CCDC85A: variants seen among roughly 807,000 people sequenced by gnomAD.
CCDC85A encodes coiled-coil domain-containing protein 85A.
A neutral mutation model predicts 50.2 loss-of-function variants in CCDC85A; 38 were observed. The observed-to-expected ratio is 0.76, with a 90% confidence interval of 0.58 to 0.99. CCDC85A has a LOEUF of 0.99. Among genes scored for constraint, CCDC85A ranks in the 50% least tolerant of loss-of-function variants. CCDC85A has a pLI of 0.00. For missense variants in CCDC85A, 820 were observed against 742.0 expected, an observed-to-expected ratio of 1.11 and a Z score of -1.22; for synonymous variants, 366 against 301.4, an observed-to-expected ratio of 1.21 and a Z score of -2.22.
chr2:56,339,882 A>G (rs1236065294), intron 2 of CCDC85A, among the ~76,000 whole-genome samples: 1 of 152,200 alleles, frequency 6.6e-6, no homozygotes, highest in Non-Finnish European at 1.5e-5. Context: ...TAACTTTGCT[A>G]TTCATTTATG....
chr2:56,191,021 C>T (rs545269649), intron 1 of CCDC85A, among the ~76,000 whole-genome samples: 1 of 152,162 alleles, frequency 6.6e-6, no homozygotes, highest in Non-Finnish European at 1.5e-5. Context: ...TTGACTTGCT[C>T]TCTGTTCTTT....
intron 3 of CCDC85A, among the ~76,000 whole-genome samples, chr2:56,355,030 C>T (rs575743101): frequency 6.6e-6 from 1 of 152,158 alleles, no homozygotes; most frequent in East Asian, 1.9e-4. Context: ...GGGAGCTGTT[C>T]CCCCATCAGG....
intron 2 of CCDC85A, among the ~76,000 whole-genome samples, chr2:56,234,802 TC>T (rs1466175908): frequency 1.3e-5 from 2 of 152,178 alleles, no homozygotes; most frequent in African/African-American, 4.8e-5. Flanking sequence ...TCTTTTCTTG[TC>T]CTGCCTGTTT....
rs562623015 is a variant in CCDC85A at position 56,283,299 on chromosome 2, A to G, written c.1241-59580A>G. On this transcript the variant is annotated intron_variant, in intron 2 of 5. Transcript: ENST00000407595. ...TTCATAATGTTCTTCCTTCTATTCC[A>G]GTCTCTTGGGAGTTTTTCTTAAAAT... 1.3e-3 allele frequency among the ~76,000 whole-genome samples: 200 copies of G among 152,270 alleles called. 1 individual carries two copies. Among genetic ancestry groups the G allele is most frequent in the African/African-American group, 4.7e-3 (196 of 41,558 alleles).
chr2:56,301,350 A>G (rs1446797645), intron 2 of CCDC85A, among the ~76,000 whole-genome samples: 1 of 152,164 alleles, frequency 6.6e-6, no homozygotes, highest in Non-Finnish European at 1.5e-5. Context: ...AATGTTTCTT[A>G]AAGTATGACC....
intron 2 of CCDC85A, among the ~76,000 whole-genome samples, chr2:56,316,611 C>G (rs769378153): frequency 1.3e-5 from 2 of 152,146 alleles, no homozygotes; most frequent in Non-Finnish European, 2.9e-5. Flanking sequence ...TAGATCCCAT[C>G]TGCCCTATCA....
chr2:56,275,203 C>T (rs755123318), intron 2 of CCDC85A, among the ~76,000 whole-genome samples: 1 of 152,144 alleles, frequency 6.6e-6, no homozygotes, highest in African/African-American at 2.4e-5. Flanking sequence ...TATAAGCCCT[C>T]AGTCTTTATA....
At chr2:56,285,217 TC>T (rs905953109) in intron 2 of CCDC85A, among the ~76,000 whole-genome samples, 1 of 151,380 alleles carries the variant, frequency 6.6e-6, no homozygotes, top group African/African-American at 2.4e-5. Context: ...TTCACCTGCC[TC>T]GGCCTCCCAA....
At chr2:56,376,785 T>C (rs971451105) in intron 5 of CCDC85A, among the ~76,000 whole-genome samples, 2 of 152,222 alleles carry the variant, frequency 1.3e-5, no homozygotes, top group Non-Finnish European at 2.9e-5. Flanking sequence ...ATTTCTAACA[T>C]GTAGCTTTGA....
chr2:56,243,939 T>G (rs1028976654), intron 2 of CCDC85A, among the ~76,000 whole-genome samples: 5 of 152,224 alleles, frequency 3.3e-5, no homozygotes, highest in African/African-American at 1.2e-4. Context: ...AATAATTCTC[T>G]GGATTACCAG....
chr2:56,279,712 T>C (rs1175573328), intron 2 of CCDC85A, among the ~76,000 whole-genome samples: 2 of 152,164 alleles, frequency 1.3e-5, no homozygotes, highest in Admixed American at 6.5e-5. Flanking sequence ...ACTTACTATA[T>C]TGTCCTCTAG....
chr2:56,376,020 G>T, intron 5 of CCDC85A, 85 bp downstream of exon 5: 2 of 1,399,700 alleles, frequency 1.4e-6, no homozygotes, highest in South Asian at 1.6e-5. Flanking sequence ...TCACAGTCTT[G>T]CTTGAACCAT....
intron 2 of CCDC85A, among the ~76,000 whole-genome samples, chr2:56,193,689 T>G (rs1676417023): frequency 6.6e-6 from 1 of 152,184 alleles, no homozygotes; most frequent in African/African-American, 2.4e-5. Context: ...AGAGGAACAG[T>G]AATTCCTTAG....
intron 2 of CCDC85A, among the ~76,000 whole-genome samples, chr2:56,258,258 A>G (rs1670071734): frequency 6.6e-6 from 1 of 152,198 alleles, no homozygotes; most frequent in African/African-American, 2.4e-5. Context: ...CCAATGGAAC[A>G]AAGAGTTTGG....
intron 1 of CCDC85A, among the ~76,000 whole-genome samples, chr2:56,187,652 G>C (rs974783927): frequency 6.6e-6 from 1 of 152,190 alleles, no homozygotes; most frequent in Admixed American, 6.5e-5. Context: ...AGTGAAGTTA[G>C]ATAGTTTTCT....
At chr2:56,232,308 G>T (rs1040724604) in intron 2 of CCDC85A, among the ~76,000 whole-genome samples, 8 of 152,066 alleles carry the variant, frequency 5.3e-5, no homozygotes, top group Admixed American at 3.3e-4. Flanking sequence ...TGAGACTGCT[G>T]ATATTAGAAA....
At chr2:56,330,003 T>G (rs1477307333) in intron 2 of CCDC85A, among the ~76,000 whole-genome samples, 1 of 140,244 alleles carries the variant, frequency 7.1e-6, no homozygotes, top group Non-Finnish European at 1.5e-5. Context: ...TTTTTGTGCA[T>G]TCATTGACAA....
intron 2 of CCDC85A, among the ~76,000 whole-genome samples, chr2:56,324,604 CTT>C (rs995381628): frequency 6.6e-6 from 1 of 151,946 alleles, no homozygotes; most frequent in African/African-American, 2.4e-5. Flanking sequence ...ACCAGGTAGA[CTT>C]TTTAAAAATA....
intron 3 of CCDC85A, among the ~76,000 whole-genome samples, chr2:56,365,972 T>C (rs1180629101): frequency 6.6e-6 from 1 of 152,194 alleles, no homozygotes; most frequent in Admixed American, 6.5e-5. Context: ...AATAAACTTT[T>C]TTTTTAAGAT....
Sources: allele counts gnomAD v4.1 joint callset (sites outside exome capture counted in the v4.1 genomes callset), GRCh38; gene constraint gnomAD v4.1.1; transcripts MANE v1.5; gene names NCBI Gene and HGNC (gene_info 2026-07-23, HGNC 2026-07-21).